Variants in ZBTB32 observed in about 807,000 individuals in gnomAD.
ZBTB32 encodes zinc finger and BTB domain-containing protein 32.
ZBTB32 carries 28 observed loss-of-function variants against 45.3 expected under a neutral mutation model. That is an observed-to-expected ratio of 0.62 (90% CI 0.46 to 0.85). ZBTB32 has a LOEUF of 0.85. Among genes scored for constraint, ZBTB32 ranks in the 40% least tolerant of loss-of-function variants. The pLI is 0.00. For synonymous variants in ZBTB32, 283 were observed against 255.7 expected (o/e 1.11, Z -1.02); for missense variants, 587 against 624.4 (o/e 0.94, Z 0.64).
rs3787052 is a variant in ZBTB32 at position 35,711,153 on chromosome 19, G to A, written c.-221-1764G>A. Among the ~76,000 whole-genome samples the A allele has an allele frequency of 3.9e-3, 600 of 152,290 alleles. 31 individuals carry two copies. In the East Asian group the frequency reaches 0.11, roughly 27 times the overall value. On this transcript the variant is annotated intron_variant, in intron 1 of 6. Coordinates refer to ENST00000392197, the MANE Select transcript of ZBTB32 (RefSeq NM_014383.3). The stretch of plus-strand genomic sequence containing the variant: ...ATCATCAATGAGCAAACCAGCGGGG[G>A]AGCTGAGTCACAAGCACATGATGTG...
intron 1 of ZBTB32, among the ~76,000 whole-genome samples, chr19:35,708,979 C>T (rs1384544940): frequency 6.6e-6 from 1 of 152,004 alleles, no homozygotes; most frequent in African/African-American, 2.4e-5. Flanking sequence ...CCGCCACGCC[C>T]AGCTAATTTT....
intron 1 of ZBTB32, among the ~76,000 whole-genome samples, chr19:35,706,150 C>G (rs1215166721): frequency 1.3e-5 from 2 of 150,454 alleles, no homozygotes. Flanking sequence ...ATCGCTTGTA[C>G]CTGGGAGGCG....
At position 35,715,780 on chromosome 19, in the gene ZBTB32, C is replaced by A. The variant is rs1448636028; in HGVS notation, c.905C>A (p.Pro302His). Residue 302 changes from proline to histidine, a missense_variant, in exon 4 of 7, where the codon CCC becomes CAC. Transcript: ENST00000392197. ...EQRIPLSLNA[P>H]KGLWSQNQLA... is the part of the protein sequence containing the mutation. ...AGGATCCCACTGTCCCTAAATGCCCCCAAAGGGCTCTGGAGCCAGAACCAG... is the reference window on the plus strand; with the variant it reads ...AGGATCCCACTGTCCCTAAATGCCCACAAAGGGCTCTGGAGCCAGAACCAG... 6.2e-7 allele frequency: 1 copy of A among 1,613,348 alleles called. No individual in the cohort carries two copies. The highest frequency in any genetic ancestry group is 1.1e-5 in the South Asian group (1 of 90,992).
At chr19:35,707,060 T>C (rs1455173603) in intron 1 of ZBTB32, among the ~76,000 whole-genome samples, 1 of 152,180 alleles carries the variant, frequency 6.6e-6, no homozygotes, top group East Asian at 1.9e-4. Flanking sequence ...CCAAGCATGA[T>C]GGCACATGCC....
At position 35,716,511 on chromosome 19, in the gene ZBTB32, A is replaced by C; in HGVS notation, c.1223A>C (p.Gln408Pro). Reference sequence around the variant, plus strand: ...CCCTTCTCCTGTAGCCTTTGTCCTCAGCGCTCCCGGGACTTCTCGGCCATG... The same window carrying C: ...CCCTTCTCCTGTAGCCTTTGTCCTCCGCGCTCCCGGGACTTCTCGGCCATG... ...EKPFSCSLCP[Q>P]RSRDFSAMTK... Residue 408 changes from glutamine (Q) to proline (P), a missense_variant, in exon 7 of 7, where the codon CAG becomes CCG. Transcript: ENST00000392197. The C allele has an allele frequency of 6.2e-7, 1 of 1,610,848 alleles. No homozygotes were observed. The highest frequency in any genetic ancestry group is 8.5e-7 in the Non-Finnish European group (1 of 1,177,990).
rs1473873409 is a variant in ZBTB32, at chr19:35,716,729, TGTC to T, written c.1442_1444del (p.Cys481_Pro482delinsSer). 2 of 1,609,686 alleles carry T rather than the reference TGTC, an allele frequency of 1.2e-6. No homozygotes were observed. The highest frequency in any genetic ancestry group is 1.7e-6 in the Non-Finnish European group (2 of 1,176,362). On this transcript the variant is annotated inframe_deletion, in exon 7 of 7. Transcript: ENST00000392197. ...GTCTCGGCCCTCGACCTCTCCCTGT[TGTC>T]CTTCTTCCTCCACCACCTGACGGGG...
intron 2 of ZBTB32, 130 bp from the exon 3 acceptor site, chr19:35,714,393 G>A (rs1052315112): frequency 1.5e-5 from 6 of 407,448 alleles, no homozygotes; most frequent in East Asian, 3.7e-5. Context: ...CCATTCTCTC[G>A]CCACCATGCC....
intron 1 of ZBTB32, among the ~76,000 whole-genome samples, chr19:35,710,027 T>C (rs1968647264): frequency 6.6e-6 from 1 of 152,036 alleles, no homozygotes; most frequent in Admixed American, 6.6e-5. Context: ...CTGGCCAACA[T>C]GGTGAAACAC....
At chr19:35,705,091 A>G (rs1369868526) in intron 1 of ZBTB32, among the ~76,000 whole-genome samples, 1 of 151,422 alleles carries the variant, frequency 6.6e-6, no homozygotes, top group Non-Finnish European at 1.5e-5. Context: ...GGATCATTTG[A>G]GGTCAGGAGT....
intron 1 of ZBTB32, among the ~76,000 whole-genome samples, chr19:35,709,983 G>A (rs1363521825): frequency 6.6e-6 from 1 of 152,018 alleles, no homozygotes; most frequent in East Asian, 1.9e-4. Context: ...GCCGAGGTGG[G>A]TGGATCACCT....
In ZBTB32 at chr19:35,715,196, G is replaced by A; in HGVS notation, c.570G>A (p.Arg190=). The A allele has an allele frequency of 1.2e-6, 2 of 1,610,738 alleles. No homozygotes were observed. Among genetic ancestry groups the A allele is most frequent in the Non-Finnish European group, 1.7e-6 (2 of 1,179,272 alleles). The change falls in exon 3 of 7, where the codon AGG becomes AGA. Residue 190 remains arginine (R), a synonymous_variant. Transcript: ENST00000392197. ...ATQEAQQEQT[R]SKEKRLQAPV... Reference sequence around the variant, plus strand: ...AGGAGGCTCAGCAGGAACAGACCAGGTCAAAGGAGAAACGCCTCCAAGCCC... The same window carrying A: ...AGGAGGCTCAGCAGGAACAGACCAGATCAAAGGAGAAACGCCTCCAAGCCC...
chr19:35,716,575 CTGCTCCCTGTG>C lies in ZBTB32; in HGVS notation c.1288_1298del (p.Cys430ArgfsTer60). 1 of 1,613,350 alleles carries C rather than the reference CTGCTCCCTGTG, an allele frequency of 6.2e-7. No homozygotes were observed. The highest frequency in any genetic ancestry group is 8.5e-7 in the Non-Finnish European group (1 of 1,179,944). On this transcript the variant is annotated frameshift_variant, in exon 7 of 7. Transcript: ENST00000392197. LOFTEE classifies it high-confidence loss of function. ...GGACACACGGGGCCGCTCCGTACCG[CTGCTCCCTGTG>C]CGGGGCCGGCTGTCCCAGCCTGGCC...
rs1233708222 is a variant in ZBTB32, at chr19:35,714,760, T to C, written c.134T>C (p.Leu45Pro). 1 of 1,614,140 alleles carries C rather than the reference T, an allele frequency of 6.2e-7. No individual in the cohort carries two copies. Among genetic ancestry groups the C allele is most frequent in the South Asian group, 1.1e-5 (1 of 91,088 alleles). ...AGCCAGGAGTTCCCCGCCCACAGCCTGGTGCTAGCAGGTGTCAGCCAGCAG... is the reference window on the plus strand; with the variant it reads ...AGCCAGGAGTTCCCCGCCCACAGCCCGGTGCTAGCAGGTGTCAGCCAGCAG... ...VGSQEFPAHS[L>P]VLAGVSQQLG... Residue 45 changes from leucine to proline, a missense_variant, in exon 3 of 7, where the codon CTG (leucine) becomes CCG (proline). Transcript: ENST00000392197.
rs766270725 is a variant in ZBTB32 at position 35,715,459 on chromosome 19, A to G, written c.833A>G (p.His278Arg). 1 of 1,576,140 alleles carries G rather than the reference A, an allele frequency of 6.3e-7. No homozygotes were observed. The highest frequency in any genetic ancestry group is 1.2e-5 in the South Asian group (1 of 86,186). Reference protein sequence around the residue: ...MPPRYGIPFYHSTPTTGAWQE... With the variant: ...MPPRYGIPFYRSTPTTGAWQE... ...CCCAGATATGGCATTCCCTTCTACC[A>G]TAGCACCCCCACCACTGGAGCCTGG... The change falls in exon 3 of 7, where the codon CAT becomes CGT. Residue 278 changes from histidine to arginine, a missense_variant. Coordinates refer to ENST00000392197, the MANE Select transcript of ZBTB32 (RefSeq NM_014383.3).
chr19:35,707,435 T>G (rs1968574303), intron 1 of ZBTB32, among the ~76,000 whole-genome samples: 1 of 149,544 alleles, frequency 6.7e-6, no homozygotes, highest in African/African-American at 2.5e-5. Context: ...AGTGGTGTGA[T>G]CTTGGCTCAC....
Position 35,716,306 on chromosome 19 carries a change from G to A in ZBTB32, c.1189+9G>A. On this transcript the variant is annotated intron_variant, in intron 6 of 6. Transcript: ENST00000392197. ...CTACCGAGTCCACACAGGTATGGGC[G>A]CCCTGCCCTGTGTGAACTGTCGGCT... The A allele has an allele frequency of 1.2e-6, 2 of 1,613,322 alleles. No homozygotes were observed. The highest frequency in any genetic ancestry group is 1.7e-6 in the Non-Finnish European group (2 of 1,179,816).
intron 1 of ZBTB32, among the ~76,000 whole-genome samples, chr19:35,712,611 G>A (rs544740860): frequency 2.7e-4 from 41 of 152,284 alleles, no homozygotes; most frequent in African/African-American, 8.7e-4. Flanking sequence ...GGAAACCTCC[G>A]GGGACCTTGA....
intron 1 of ZBTB32, among the ~76,000 whole-genome samples, chr19:35,711,892 G>A (rs977199724): frequency 6.6e-6 from 1 of 151,996 alleles, no homozygotes; most frequent in African/African-American, 2.4e-5. Context: ...GGGCGTGGTG[G>A]CGGGCGCCTG....
chr19:35,715,085 G>A lies in ZBTB32; in HGVS notation c.459G>A (p.Gln153=). The change falls in exon 3 of 7, where the codon CAG becomes CAA. Residue 153 remains glutamine, a synonymous_variant. Coordinates refer to ENST00000392197, the MANE Select transcript of ZBTB32 (RefSeq NM_014383.3). ...CTGGAGAGAAGCAGAAACCAGAACA[G>A]GTTTCTAGAACTGGTGGGAGAGAAC... ...GDPGEKQKPE[Q]VSRTGGREQE... 1.2e-6 allele frequency: 2 copies of A among 1,614,040 alleles called. No individual in the cohort carries two copies. Among genetic ancestry groups the A allele is most frequent in the Non-Finnish European group, 1.7e-6 (2 of 1,180,014 alleles).
Sources: allele counts gnomAD v4.1 joint callset (sites outside exome capture counted in the v4.1 genomes callset), GRCh38; gene constraint gnomAD v4.1.1; transcripts MANE v1.5; gene names NCBI Gene and HGNC (gene_info 2026-07-23, HGNC 2026-07-21).